TMCO5A: variants seen among roughly 807,000 people sequenced by gnomAD.
TMCO5A encodes transmembrane and coiled-coil domain-containing protein 5A.
A neutral mutation model predicts 42.3 loss-of-function variants in TMCO5A; 34 were observed. The ratio of observed to expected loss-of-function variants is 0.80; its 90% CI spans 0.61 to 1.07. The LOEUF (loss-of-function observed/expected upper bound fraction) is 1.07. Among genes scored for constraint, TMCO5A ranks in the 50% least tolerant of loss-of-function variants. The probability of loss-of-function intolerance (pLI) is 0.00; values close to 1 mark genes in which losing one functional copy is unlikely to be tolerated. For missense variants in TMCO5A, 357 were observed against 327.9 expected (o/e 1.09, Z -0.69); for synonymous variants, 131 against 115.6 (o/e 1.13, Z -0.86).
the TMCO5A span, among the ~76,000 whole-genome samples, chr15:38,030,167 T>C: frequency 1.3e-5 from 2 of 152,196 alleles, no homozygotes; most frequent in Non-Finnish European, 2.9e-5. Flanking sequence ...AAATCCACCA[T>C]ATTGATTGTC....
intron 11 of TMCO5A, among the ~76,000 whole-genome samples, chr15:37,961,476 A>G (rs1038958213): frequency 1.3e-5 from 2 of 152,122 alleles, no homozygotes; most frequent in African/African-American, 4.8e-5. Flanking sequence ...AGGTAGTGTC[A>G]TGCCTCCAGA....
the TMCO5A span, among the ~76,000 whole-genome samples, chr15:38,022,168 T>C: frequency 1.3e-5 from 2 of 152,162 alleles, no homozygotes; most frequent in African/African-American, 4.8e-5. Flanking sequence ...TATTTCTTAG[T>C]ATTTACCCAA....
downstream of TMCO5A, among the ~76,000 whole-genome samples, chr15:37,951,912 C>T (rs1261340331): frequency 1.3e-5 from 2 of 152,036 alleles, no homozygotes; most frequent in African/African-American, 4.8e-5. Context: ...CCTCCAGCAG[C>T]AAGGGTGTGG....
At chr15:37,995,845 C>CAAAAA in the TMCO5A span, among the ~76,000 whole-genome samples, 1 of 141,056 alleles carries the variant, frequency 7.1e-6, no homozygotes, top group African/African-American at 2.7e-5. Context: ...CAATCCCCTC[C>CAAAAA]AAAAAAAAAA....
chr15:37,971,378 C>A (rs1377325155), downstream of TMCO5A, among the ~76,000 whole-genome samples: 1 of 152,170 alleles, frequency 6.6e-6, no homozygotes, highest in African/African-American at 2.4e-5. Flanking sequence ...AGCAAAGAGA[C>A]CCTGGGCCCA....
chr15:37,987,920 G>A, the TMCO5A span, among the ~76,000 whole-genome samples: 35,309 of 151,720 alleles, frequency 0.23, 9,295 homozygotes, highest in African/African-American at 0.65. Context: ...ATTTTGATAG[G>A]CATTGCACTG....
the TMCO5A span, among the ~76,000 whole-genome samples, chr15:38,008,187 G>A: frequency 9.9e-5 from 15 of 152,100 alleles, no homozygotes; most frequent in East Asian, 9.7e-4. Context: ...GAGCCACCGT[G>A]CCCAGCCAAA....
chr15:37,955,487 A>G (rs1006787113), downstream of TMCO5A, among the ~76,000 whole-genome samples: 3 of 152,142 alleles, frequency 2.0e-5, no homozygotes, highest in African/African-American at 7.2e-5. Context: ...AAATATCAAA[A>G]GAGACAAAGA....
intron 5 of TMCO5A, among the ~76,000 whole-genome samples, chr15:37,937,845 A>T (rs1595585419): frequency 6.6e-6 from 1 of 152,148 alleles, no homozygotes; most frequent in East Asian, 1.9e-4. Context: ...GCTTCCAATG[A>T]CTACCCTACT....
chr15:38,004,463 C>T, the TMCO5A span, among the ~76,000 whole-genome samples: 1 of 152,120 alleles, frequency 6.6e-6, no homozygotes, highest in African/African-American at 2.4e-5. Context: ...CCAGGAATTG[C>T]AGTGCTTGTG....
At chr15:38,010,435 A>T in the TMCO5A span, among the ~76,000 whole-genome samples, 88 of 148,328 alleles carry the variant, frequency 5.9e-4, 1 homozygote, top group African/African-American at 1.8e-3. Flanking sequence ...TCACACACAC[A>T]CACACACACA....
At chr15:37,948,100 T>C (rs970994192) in intron 11 of TMCO5A, among the ~76,000 whole-genome samples, 2 of 152,180 alleles carry the variant, frequency 1.3e-5, no homozygotes, top group African/African-American at 4.8e-5. Context: ...CACTGTCTAA[T>C]AAGAGATAGA....
chr15:37,971,458 G>A (rs1310535492), downstream of TMCO5A, among the ~76,000 whole-genome samples: 1 of 152,184 alleles, frequency 6.6e-6, no homozygotes, highest in Non-Finnish European at 1.5e-5. Flanking sequence ...GAAGACCTCT[G>A]ACATGCTTAG....
At chr15:37,968,519 C>T (rs181308449), downstream of TMCO5A, among the ~76,000 whole-genome samples, 8 of 152,146 alleles carry the variant, frequency 5.3e-5, no homozygotes, top group East Asian at 1.5e-3. Flanking sequence ...TACGGTCAAA[C>T]CTGAGTTTTC....
In TMCO5A at chr15:37,936,478, T is replaced by C; in HGVS notation, c.140+15T>C. The stretch of plus-strand genomic sequence containing the variant: ...AAGATTCAGAGGTGAGTATTAAGGT[T>C]TCATGAGGGAAGTTCCCAATCCAAA... On this transcript the variant is annotated intron_variant, in intron 3 of 11. Coordinates refer to ENST00000319669, the MANE Select transcript of TMCO5A (RefSeq NM_152453.4). 6.2e-7 allele frequency: 1 copy of C among 1,601,434 alleles called. No individual in the cohort carries two copies. Among genetic ancestry groups the C allele is most frequent in the South Asian group, 1.1e-5 (1 of 88,396 alleles).
intron 3 of TMCO5A, among the ~76,000 whole-genome samples, 172 bp downstream of exon 3, chr15:37,936,635 T>C (rs1374910482): frequency 6.6e-6 from 1 of 152,170 alleles, no homozygotes; most frequent in East Asian, 1.9e-4. Context: ...AAGTTTCAAA[T>C]AGATTCCTAA....
At chr15:37,988,082 A>G in the TMCO5A span, among the ~76,000 whole-genome samples, 2 of 151,904 alleles carry the variant, frequency 1.3e-5, no homozygotes, top group African/African-American at 4.8e-5. Context: ...TTCTAGGTTA[A>G]TACTTAAGCA....
chr15:37,992,649 T>G, the TMCO5A span, among the ~76,000 whole-genome samples: 1 of 152,162 alleles, frequency 6.6e-6, no homozygotes, highest in Non-Finnish European at 1.5e-5. Context: ...ACATACATTG[T>G]GGAATATTAT....
At chr15:38,036,057 C>T in the TMCO5A span, among the ~76,000 whole-genome samples, 10 of 152,290 alleles carry the variant, frequency 6.6e-5, 1 homozygote, top group South Asian at 1.7e-3. Flanking sequence ...ATACTGGAGT[C>T]AGCCTCACGT....
Sources: allele counts gnomAD v4.1 joint callset (sites outside exome capture counted in the v4.1 genomes callset), GRCh38; gene constraint gnomAD v4.1.1; transcripts MANE v1.5; gene names NCBI Gene and HGNC (gene_info 2026-07-23, HGNC 2026-07-21).